Variants in PXDNL observed in about 807,000 individuals in gnomAD.
PXDNL encodes probable oxidoreductase PXDNL.
In PXDNL, 145 loss-of-function variants were observed where a neutral mutation model predicts 150.8. That is an observed-to-expected ratio of 0.96 (90% CI 0.84 to 1.10). The LOEUF (loss-of-function observed/expected upper bound fraction) is 1.10, where lower values mean the gene tolerates loss of function less well. Ranked by LOEUF, PXDNL falls within the 50% of genes least tolerant of loss-of-function variation. The pLI is 0.00. For synonymous variants in PXDNL, 757 were observed against 725.7 expected (o/e 1.04, Z -0.69); for missense variants, 2,087 against 1,873.9 (o/e 1.11, Z -2.10).
At chr8:51,381,046 AT>A (rs1273963860) in intron 17 of PXDNL, among the ~76,000 whole-genome samples, 2 of 152,220 alleles carry the variant, frequency 1.3e-5, no homozygotes, top group African/African-American at 4.8e-5. Flanking sequence ...TTTGTTTATA[AT>A]TTTTATATAC....
At chr8:51,740,210 C>T (rs1333324789) in intron 1 of PXDNL, among the ~76,000 whole-genome samples, 1 of 152,080 alleles carries the variant, frequency 6.6e-6, no homozygotes, top group African/African-American at 2.4e-5. Context: ...ATAATTTTTT[C>T]TTTACTGTGT....
chr8:51,744,081 G>A (rs35855248), intron 1 of PXDNL, among the ~76,000 whole-genome samples: 23,306 of 41,980 alleles, frequency 0.56, 4,737 homozygotes, highest in African/African-American at 0.64. Flanking sequence ...AAGGAAGGAA[G>A]GAAGGAAGGA....
intron 5 of PXDNL, among the ~76,000 whole-genome samples, chr8:51,489,337 G>A (rs1017071164): frequency 6.6e-6 from 1 of 152,124 alleles, no homozygotes; most frequent in Non-Finnish European, 1.5e-5. Flanking sequence ...TTTATTTAGA[G>A]ACAGGTTCTC....
rs1238741212 is a variant in PXDNL at position 51,408,710 on chromosome 8, T to C, written c.2914A>G (p.Thr972Ala). ...CTGTTGTGTTCCCGGAACCACAGGG[T>C]GTGCATGGCGGCCAGAGCCAGATGC... ...NEHLALAAMHTLWFREHNRMA... is the reference protein window; with the variant it reads ...NEHLALAAMHALWFREHNRMA... Residue 972 changes from threonine to alanine, a missense_variant, in exon 17 of 23, where the codon ACC (threonine) becomes GCC (alanine). By Grantham distance (58) the Thr-to-Ala change is moderately conservative. Transcript: ENST00000356297. 6 of 1,593,200 alleles carry C rather than the reference T, an allele frequency of 3.8e-6. No individual in the cohort carries two copies. The South Asian group carries it at 6.8e-5, about 18-fold the overall frequency.
At chr8:51,557,444 G>C (rs1409420318) in intron 3 of PXDNL, among the ~76,000 whole-genome samples, 1 of 152,080 alleles carries the variant, frequency 6.6e-6, no homozygotes, top group Non-Finnish European at 1.5e-5. Flanking sequence ...CTTTACCAAA[G>C]GGTTTAAAGA....
At chr8:51,543,077 T>C (rs1413002923) in intron 4 of PXDNL, among the ~76,000 whole-genome samples, 1 of 152,180 alleles carries the variant, frequency 6.6e-6, no homozygotes, top group Non-Finnish European at 1.5e-5. Context: ...ACCTCTAGAT[T>C]TCAGAGCCAG....
At chr8:51,610,739 A>G (rs1325605208) in intron 2 of PXDNL, among the ~76,000 whole-genome samples, 1 of 152,152 alleles carries the variant, frequency 6.6e-6, no homozygotes, top group Non-Finnish European at 1.5e-5. Flanking sequence ...AACTCTTTCA[A>G]GTTGTCAGAA....
intron 2 of PXDNL, among the ~76,000 whole-genome samples, chr8:51,624,967 A>C (rs1814335645): frequency 6.6e-6 from 1 of 152,096 alleles, no homozygotes; most frequent in African/African-American, 2.4e-5. Flanking sequence ...CTAAATCATG[A>C]GTTTTAAATA....
intron 1 of PXDNL, among the ~76,000 whole-genome samples, chr8:51,687,447 C>G (rs1056396041): frequency 6.6e-6 from 1 of 152,168 alleles, no homozygotes; most frequent in African/African-American, 2.4e-5. Context: ...AGAAGTAAAC[C>G]TAGCAGAAAG....
chr8:51,508,179 G>A (rs1811332114), intron 4 of PXDNL, among the ~76,000 whole-genome samples: 4 of 152,142 alleles, frequency 2.6e-5, no homozygotes, highest in Non-Finnish European at 5.9e-5. Context: ...GAAACAGGCT[G>A]GAATAAAGGA....
intron 2 of PXDNL, among the ~76,000 whole-genome samples, chr8:51,611,889 G>A (rs1481252515): frequency 2.3e-4 from 35 of 152,344 alleles, no homozygotes; most frequent in Non-Finnish European, 7.3e-5. Context: ...AGGAGCAGCC[G>A]GGATGCCGAA....
intron 1 of PXDNL, among the ~76,000 whole-genome samples, chr8:51,695,481 C>T (rs1816098112): frequency 6.6e-6 from 1 of 152,014 alleles, no homozygotes; most frequent in African/African-American, 2.4e-5. Flanking sequence ...AACACACACA[C>T]GCACACACGC....
intron 2 of PXDNL, among the ~76,000 whole-genome samples, chr8:51,644,298 C>A (rs1367695544): frequency 1.7e-5 from 2 of 118,512 alleles, no homozygotes; most frequent in African/African-American, 5.6e-5. Context: ...ATATATAAAC[C>A]CTGTAGCAAA....
rs566055415 is a variant in PXDNL at position 51,548,267 on chromosome 8, T to G, written c.380+8573A>C. 3.9e-5 allele frequency among the ~76,000 whole-genome samples: 6 copies of G among 152,306 alleles called. No homozygotes were observed. In the East Asian group the frequency reaches 1.2e-3, roughly 29 times the overall value. ...AATCTAAAACTTTTGAAAACTTATT[T>G]GAGGGAATAATCAAGGAAATCTTCC... On this transcript the variant is annotated intron_variant, in intron 4 of 22. Transcript: ENST00000356297.
chr8:51,499,908 A>G (rs1811146716), intron 4 of PXDNL, 138 bp from the exon 5 acceptor site: 2 of 599,978 alleles, frequency 3.3e-6, no homozygotes. Context: ...AAAAATCAGA[A>G]ACTCTGAGAT....
At chr8:51,378,787 G>A (rs568052661) in intron 17 of PXDNL, among the ~76,000 whole-genome samples, 1 of 149,130 alleles carries the variant, frequency 6.7e-6, no homozygotes, top group African/African-American at 2.6e-5. Flanking sequence ...CACTGCGAAG[G>A]TCTGCAGCTT....
At chr8:51,491,526 C>G (rs974890276) in intron 5 of PXDNL, among the ~76,000 whole-genome samples, 2 of 152,148 alleles carry the variant, frequency 1.3e-5, no homozygotes, top group Non-Finnish European at 2.9e-5. Context: ...TTTAGTTAGT[C>G]CATTCCCTGC....
intron 4 of PXDNL, among the ~76,000 whole-genome samples, chr8:51,505,980 T>A (rs1352869381): frequency 6.6e-6 from 1 of 152,226 alleles, no homozygotes; most frequent in Non-Finnish European, 1.5e-5. Flanking sequence ...TAATTAAACA[T>A]CTGAATGAAG....
intron 2 of PXDNL, among the ~76,000 whole-genome samples, chr8:51,645,646 A>G (rs530282682): frequency 6.6e-6 from 1 of 152,322 alleles, no homozygotes; most frequent in South Asian, 2.1e-4. Flanking sequence ...GGTTTGAGGT[A>G]AAGAGAGATT....
Sources: allele counts gnomAD v4.1 joint callset (sites outside exome capture counted in the v4.1 genomes callset), GRCh38; gene constraint gnomAD v4.1.1; transcripts MANE v1.5; gene names NCBI Gene and HGNC (gene_info 2026-07-23, HGNC 2026-07-21).